The following STK24 variants were observed in gnomAD, a reference collection of about 807,000 sequenced individuals.
STK24 encodes the protein serine/threonine-protein kinase 24.
In STK24, 21 loss-of-function variants were observed where a neutral mutation model predicts 55.6. That is an observed-to-expected ratio of 0.38 (90% CI 0.27 to 0.54). STK24 has a LOEUF of 0.54. Among genes scored for constraint, STK24 ranks in the 20% least tolerant of loss-of-function variants. The pLI is 0.79. For synonymous variants in STK24, 200 were observed against 215.2 expected, an observed-to-expected ratio of 0.93 and a Z score of 0.62; for missense variants, 383 against 538.4, an observed-to-expected ratio of 0.71 and a Z score of 2.86.
chr13:98,529,349 C>G (rs1027805540), intron 1 of STK24, among the ~76,000 whole-genome samples: 7 of 152,198 alleles, frequency 4.6e-5, no homozygotes, highest in African/African-American at 7.2e-5. Context: ...CTCCCTCCCC[C>G]ACAGCAGCAG....
rs1186240047 is a variant in STK24 at position 98,533,084 on chromosome 13, CAATT to C, written c.43-13615_43-13612del. Among the ~76,000 whole-genome samples the C allele has an allele frequency of 1.1e-4, 16 of 152,296 alleles. 1 individual carries two copies. Among genetic ancestry groups the C allele is most frequent in the African/African-American group, 3.4e-4 (14 of 41,560 alleles). Reference sequence around the variant, plus strand: ...ATTGCAAAGTCTAGGTCTACACAATCAATTAGTTTTCAGGCCGGGTGTGGTGGCT... The same window carrying C: ...ATTGCAAAGTCTAGGTCTACACAATCAGTTTTCAGGCCGGGTGTGGTGGCT... On this transcript the variant is annotated intron_variant, in intron 1 of 10. Coordinates refer to ENST00000539966, the MANE Select transcript of STK24 (RefSeq NM_001032296.4).
intron 1 of STK24, among the ~76,000 whole-genome samples, chr13:98,538,222 CTTTTTTTTTT>C (rs55720452): frequency 1.6e-4 from 15 of 91,636 alleles, no homozygotes; most frequent in Non-Finnish European, 1.6e-4. Flanking sequence ...TTGGTGCTTG[CTTTTTTTTTT>C]TTTTTTTTTT....
intron 1 of STK24, among the ~76,000 whole-genome samples, chr13:98,532,034 A>C (rs2086153906): frequency 6.6e-6 from 1 of 152,128 alleles, no homozygotes. Flanking sequence ...GGACCGATTA[A>C]ACCAGAATCT....
intron 1 of STK24, among the ~76,000 whole-genome samples, chr13:98,568,887 A>C (rs912600473): frequency 6.6e-6 from 1 of 152,072 alleles, no homozygotes; most frequent in Non-Finnish European, 1.5e-5. Flanking sequence ...AAAAAGATAA[A>C]AGAATATTTG....
chr13:98,549,416 G>C (rs1009509909), intron 1 of STK24, among the ~76,000 whole-genome samples: 1 of 152,166 alleles, frequency 6.6e-6, no homozygotes, highest in African/African-American at 2.4e-5. Flanking sequence ...GATATGGTTG[G>C]AGGTCCCCTT....
chr13:98,494,043 C>A (rs1159204926), intron 2 of STK24, among the ~76,000 whole-genome samples: 1 of 149,980 alleles, frequency 6.7e-6, no homozygotes, highest in African/African-American at 2.4e-5. Context: ...GGGGCTTCAC[C>A]GTGTTAGCCA....
intron 1 of STK24, among the ~76,000 whole-genome samples, chr13:98,532,959 T>C (rs1594646757): frequency 6.6e-6 from 1 of 152,370 alleles, no homozygotes; most frequent in East Asian, 1.9e-4. Flanking sequence ...CTTTATTTTA[T>C]CCCTACAATA....
chr13:98,463,671 T>A lies in STK24; in HGVS notation c.929+20A>T. 6.2e-7 allele frequency: 1 copy of A among 1,609,790 alleles called. No individual in the cohort carries two copies. Among genetic ancestry groups the A allele is most frequent in the Non-Finnish European group, 8.5e-7 (1 of 1,177,606 alleles). ...GATCCCTCCCACACACATGCTTGGG[T>A]CACTCAGGGGCCGACTTACGCGTCG... is the stretch of plus-strand genomic sequence containing the variant. On this transcript the variant is annotated intron_variant, in intron 7 of 10. Transcript: ENST00000539966.
At chr13:98,456,303 G>A (rs1222494449) in intron 10 of STK24, 7 of 357,418 alleles carry the variant, frequency 2.0e-5, no homozygotes, top group East Asian at 7.5e-5. Context: ...CAGGTGGGAC[G>A]CAGTCTCAGG....
chr13:98,494,412 C>CAAAATAAAAAAAAAAA (rs1895167746), intron 2 of STK24, among the ~76,000 whole-genome samples: 1 of 66,726 alleles, frequency 1.5e-5, no homozygotes, highest in Non-Finnish European at 3.0e-5. Flanking sequence ...AGACTCGTCT[C>CAAAATAAAAAAAAAAA]AAAAAAAAAA....
chr13:98,449,453 G>A lies in STK24; in HGVS notation c.*3720C>T, dbSNP rs1893077619. 6.6e-6 allele frequency: 1 copy of A among 152,220 alleles called. No homozygotes were observed. Among genetic ancestry groups the A allele is most frequent in the Non-Finnish European group, 1.5e-5 (1 of 68,054 alleles). The allele number at this position is 152,220 out of a possible 1,614,324, so 9.4% of individuals were successfully genotyped here. A position where few individuals can be genotyped will look rare whatever the true frequency, so the allele number is the denominator to read the frequency against. On this transcript the variant is annotated 3_prime_UTR_variant, in exon 11 of 11. Transcript: ENST00000539966. The stretch of plus-strand genomic sequence containing the variant: ...TGCCTGTTCTCGATGGTGATGGGGT[G>A]GCTGCCATTCCCTTGGTTTTCCTAA...
chr13:98,512,639 A>G (rs1566377910), intron 2 of STK24, among the ~76,000 whole-genome samples: 2 of 152,066 alleles, frequency 1.3e-5, no homozygotes, highest in East Asian at 3.8e-4. Context: ...TCCTTCATTA[A>G]CACTACTCTA....
chr13:98,457,827 G>A (rs187957324), intron 9 of STK24, among the ~76,000 whole-genome samples: 157 of 152,308 alleles, frequency 1.0e-3, no homozygotes, highest in African/African-American at 3.7e-3. Context: ...TGTATACACA[G>A]GGCAATCATC....
At chr13:98,540,116 G>C (rs1896847560) in intron 1 of STK24, among the ~76,000 whole-genome samples, 2 of 152,150 alleles carry the variant, frequency 1.3e-5, no homozygotes, top group South Asian at 2.1e-4. Context: ...AGTCACAAAG[G>C]AACACATACT....
chr13:98,467,376 T>TA (rs1301652430), intron 5 of STK24, among the ~76,000 whole-genome samples: 3 of 152,124 alleles, frequency 2.0e-5, no homozygotes, highest in Non-Finnish European at 4.4e-5. Context: ...ACGAATTCCT[T>TA]AATGTCATGT....
At chr13:98,473,597 T>C (rs1233392151) in intron 5 of STK24, among the ~76,000 whole-genome samples, 7 of 151,754 alleles carry the variant, frequency 4.6e-5, no homozygotes, top group Non-Finnish European at 4.4e-5. Flanking sequence ...CCACGTGGGG[T>C]AGAGACACTC....
intron 3 of STK24, 80 bp from the exon 4 acceptor site, chr13:98,475,438 A>C: frequency 1.1e-6 from 1 of 947,304 alleles, no homozygotes. Context: ...AACACTATCC[A>C]TGTTAATGGA....
At chr13:98,558,995 T>C (rs1219709955) in intron 1 of STK24, among the ~76,000 whole-genome samples, 1 of 104,990 alleles carries the variant, frequency 9.5e-6, no homozygotes, top group Non-Finnish European at 1.8e-5. Flanking sequence ...AGAAACCCTG[T>C]CTCTACTAAA....
At chr13:98,486,704 A>G (rs965182303) in intron 2 of STK24, among the ~76,000 whole-genome samples, 1 of 152,182 alleles carries the variant, frequency 6.6e-6, no homozygotes, top group Non-Finnish European at 1.5e-5. Context: ...ATCACCCAAC[A>G]GAGAACCGCT....
Sources: allele counts gnomAD v4.1 joint callset (sites outside exome capture counted in the v4.1 genomes callset), GRCh38; gene constraint gnomAD v4.1.1; transcripts MANE v1.5; gene names NCBI Gene and HGNC (gene_info 2026-07-23, HGNC 2026-07-21).